The following CRLF3 variants were observed in gnomAD, a reference collection of about 807,000 sequenced individuals.
The protein encoded by CRLF3 is cytokine receptor like factor 3.
CRLF3 carries 33 observed loss-of-function variants against 55.0 expected under a neutral mutation model. The observed-to-expected ratio is 0.60, with a 90% confidence interval of 0.46 to 0.80. The LOEUF (loss-of-function observed/expected upper bound fraction) is 0.80, where lower values mean the gene tolerates loss of function less well. Among genes scored for constraint, CRLF3 ranks in the 30% least tolerant of loss-of-function variants. The pLI is 0.00. For synonymous variants in CRLF3, 238 were observed against 196.8 expected, an observed-to-expected ratio of 1.21 and a Z score of -1.75; for missense variants, 494 against 538.4, an observed-to-expected ratio of 0.92 and a Z score of 0.82.
intron 6 of CRLF3, among the ~76,000 whole-genome samples, chr17:30,788,207 A>G (rs1157861311): frequency 6.6e-6 from 1 of 151,734 alleles, no homozygotes; most frequent in Non-Finnish European, 1.5e-5. Flanking sequence ...AGGCGCCTGT[A>G]GTCCCAGCTA....
chr17:30,788,668 C>T (rs1971711574), intron 6 of CRLF3, among the ~76,000 whole-genome samples: 1 of 127,868 alleles, frequency 7.8e-6, no homozygotes, highest in African/African-American at 3.1e-5. Context: ...AGTACAGTGG[C>T]GTGATCTCGG....
intron 1 of CRLF3, among the ~76,000 whole-genome samples, chr17:30,810,925 T>TA (rs1357160023): frequency 2.0e-5 from 3 of 151,478 alleles, no homozygotes; most frequent in African/African-American, 7.3e-5. Context: ...CTGTCTCTAG[T>TA]AAAAAATACA....
At chr17:30,809,239 A>T (rs1175182940) in intron 1 of CRLF3, among the ~76,000 whole-genome samples, 8 of 152,122 alleles carry the variant, frequency 5.3e-5, no homozygotes. Context: ...CAATTTCCAA[A>T]TTCACCTCCT....
chr17:30,816,583 G>A (rs900700976), intron 1 of CRLF3, among the ~76,000 whole-genome samples: 3 of 148,518 alleles, frequency 2.0e-5, no homozygotes, highest in Non-Finnish European at 4.4e-5. Flanking sequence ...TCAGCCTCCT[G>A]GGCTCAATAA....
rs766738527 is a variant in CRLF3 at position 30,784,334 on chromosome 17, A to G, written c.1182T>C (p.Asn394=). ...IEAVTLGTTS[N]NEGGHFKLRV... The stretch of plus-strand genomic sequence containing the variant: ...GAAGCTTGAAGTGTCCACCTTCATT[A>G]TTACTGGTGGTTCCTAGAGTCACGG... The change falls in exon 8 of 8, where the codon AAT becomes AAC. Residue 394 remains asparagine (N), a synonymous_variant. Coordinates refer to ENST00000324238, the MANE Select transcript of CRLF3 (RefSeq NM_015986.4). 1 of 1,614,152 alleles carries G rather than the reference A, an allele frequency of 6.2e-7. No individual in the cohort carries two copies.
chr17:30,806,090 T>C (rs1264553010), intron 1 of CRLF3, among the ~76,000 whole-genome samples: 1 of 152,046 alleles, frequency 6.6e-6, no homozygotes, highest in African/African-American at 2.4e-5. Flanking sequence ...TAAAATGCCC[T>C]CATTATGCTA....
intron 1 of CRLF3, among the ~76,000 whole-genome samples, chr17:30,808,535 G>A (rs1904500974): frequency 1.3e-5 from 2 of 151,686 alleles, no homozygotes; most frequent in South Asian, 4.2e-4. Context: ...TGATCCTTCT[G>A]CCTCAGCCTC....
intron 1 of CRLF3, among the ~76,000 whole-genome samples, chr17:30,816,586 C>A (rs1904814370): frequency 6.7e-6 from 1 of 149,244 alleles, no homozygotes; most frequent in African/African-American, 2.5e-5. Context: ...GCCTCCTGGG[C>A]TCAATAAATC....
chr17:30,807,108 T>A (rs897042487), intron 1 of CRLF3, among the ~76,000 whole-genome samples: 1 of 152,184 alleles, frequency 6.6e-6, no homozygotes, highest in African/African-American at 2.4e-5. Context: ...TCATTTTCTC[T>A]CGCTTAATGG....
At chr17:30,793,253 T>G (rs2142251960) in intron 5 of CRLF3, among the ~76,000 whole-genome samples, 197 bp downstream of exon 5, 1 of 93,132 alleles carries the variant, frequency 1.1e-5, no homozygotes, top group East Asian at 2.6e-4. Context: ...TTGTCCAGCA[T>G]TTTTTTTGGA....
At chr17:30,817,184 T>A (rs912416931) in intron 1 of CRLF3, among the ~76,000 whole-genome samples, 11 of 152,172 alleles carry the variant, frequency 7.2e-5, no homozygotes, top group Admixed American at 5.2e-4. Flanking sequence ...ACGCTTGTAA[T>A]CCTAGCACTT....
chr17:30,812,253 A>C (rs1298345297), intron 1 of CRLF3, among the ~76,000 whole-genome samples: 1 of 152,208 alleles, frequency 6.6e-6, no homozygotes, highest in Non-Finnish European at 1.5e-5. Flanking sequence ...TGACACCAAG[A>C]CATCAGTCAT....
At chr17:30,800,123 C>A (rs1317449463) in intron 2 of CRLF3, among the ~76,000 whole-genome samples, 1 of 152,138 alleles carries the variant, frequency 6.6e-6, no homozygotes, top group African/African-American at 2.4e-5. Context: ...TTTTCCCACA[C>A]CACTCCCAGC....
chr17:30,790,081 C>G (rs983680427), intron 6 of CRLF3, among the ~76,000 whole-genome samples: 2 of 151,532 alleles, frequency 1.3e-5, no homozygotes, highest in Admixed American at 6.6e-5. Context: ...AAAAATTAGA[C>G]AAAACAAACT....
intron 1 of CRLF3, among the ~76,000 whole-genome samples, chr17:30,813,741 A>AT (rs1250504668): frequency 5.3e-5 from 8 of 151,268 alleles, no homozygotes; most frequent in African/African-American, 1.9e-4. Flanking sequence ...CTATCTCCTA[A>AT]TGCTATCCCT....
Position 30,783,794 on chromosome 17 carries a change from C to G in CRLF3, c.*393G>C, listed in dbSNP as rs1265479794. 5.9e-6 allele frequency: 1 copy of G among 168,864 alleles called. No individual in the cohort carries two copies. Among genetic ancestry groups the G allele is most frequent in the Admixed American group, 5.8e-5 (1 of 17,310 alleles). The allele number at this position is 168,864 out of a possible 1,614,324, so 10.5% of individuals were successfully genotyped here. On this transcript the variant is annotated 3_prime_UTR_variant, in exon 8 of 8. Transcript: ENST00000324238. ...ACAGCTTCTTCTATCTGACCTATTC[C>G]TCTTGTTCTAAAGAGTTACATGGAC...
Position 30,792,526 on chromosome 17 carries a change from A to G in CRLF3, c.873T>C (p.Asn291=). Reference sequence around the variant, plus strand: ...ATTCAGAATCGTTCCGAAGTGCTATATTTCTTCGACTGCTCAGACTGTACC... The same window carrying G: ...ATTCAGAATCGTTCCGAAGTGCTATGTTTCTTCGACTGCTCAGACTGTACC... ...FEGYSLSSRR[N]IALRNDSESS... is the part of the protein sequence containing the mutation. The change falls in exon 6 of 8, where the codon AAT becomes AAC. Residue 291 remains asparagine, a synonymous_variant. Transcript: ENST00000324238. 1.2e-6 allele frequency: 2 copies of G among 1,612,498 alleles called. No individual in the cohort carries two copies. Among genetic ancestry groups the G allele is most frequent in the Non-Finnish European group, 1.7e-6 (2 of 1,178,700 alleles).
intron 1 of CRLF3, among the ~76,000 whole-genome samples, chr17:30,805,772 T>C (rs1446754976): frequency 6.6e-6 from 1 of 150,848 alleles, no homozygotes; most frequent in African/African-American, 2.4e-5. Flanking sequence ...CCTATGATCC[T>C]TGCACTTTGA....
intron 1 of CRLF3, among the ~76,000 whole-genome samples, chr17:30,812,496 T>G (rs1904657457): frequency 6.6e-6 from 1 of 152,172 alleles, no homozygotes; most frequent in Admixed American, 6.6e-5. Flanking sequence ...TTGTAAGCAC[T>G]GCTATGTTTC....
Sources: allele counts gnomAD v4.1 joint callset (sites outside exome capture counted in the v4.1 genomes callset), GRCh38; gene constraint gnomAD v4.1.1; transcripts MANE v1.5; gene names NCBI Gene and HGNC (gene_info 2026-07-23, HGNC 2026-07-21).